Variants in CLEC2A observed in about 807,000 individuals in gnomAD.
CLEC2A encodes keratinocyte-associated C-type lectin.
CLEC2A carries 19 observed loss-of-function variants against 18.6 expected under a neutral mutation model. That is an observed-to-expected ratio of 1.02 (90% CI 0.71 to 1.50). The LOEUF (loss-of-function observed/expected upper bound fraction) is 1.50, where lower values mean the gene tolerates loss of function less well. CLEC2A is among the 40% of genes most tolerant of loss of function. CLEC2A has a pLI of 0.00. For synonymous variants in CLEC2A, 74 were observed against 64.0 expected, an observed-to-expected ratio of 1.16 and a Z score of -0.75; for missense variants, 190 against 207.9, an observed-to-expected ratio of 0.91 and a Z score of 0.53.
At chr12:9,902,473 G>T (rs11053502) in intron 4 of CLEC2A, among the ~76,000 whole-genome samples, 227 of 151,900 alleles carry the variant, frequency 1.5e-3, no homozygotes, top group African/African-American at 5.4e-3. Context: ...CCTCAAGTGA[G>T]CCACCCACCT....
downstream of CLEC2A, chr12:9,913,152 T>C (rs974028291): frequency 2.4e-5 from 5 of 211,634 alleles, no homozygotes; most frequent in African/African-American, 4.7e-5. Flanking sequence ...TTGATATTTA[T>C]TACTCTAGTC....
the CLEC2A span, chr12:9,893,148 A>T: frequency 6.5e-7 from 1 of 1,532,544 alleles, no homozygotes; most frequent in Non-Finnish European, 8.7e-7. Context: ...TTTACTGGTG[A>T]TTCAAAATTT....
the CLEC2A span, chr12:9,893,351 G>T: frequency 1.2e-6 from 1 of 814,800 alleles, no homozygotes; most frequent in Non-Finnish European, 1.9e-6. Context: ...ATTAATGCCG[G>T]CACAGAGACT....
At chr12:9,904,769 C>T (rs2137019318) in intron 4 of CLEC2A, among the ~76,000 whole-genome samples, 1 of 152,230 alleles carries the variant, frequency 6.6e-6, no homozygotes, top group Admixed American at 6.5e-5. Flanking sequence ...TAAGGGGTTA[C>T]ACTGCAATGA....
chr12:9,906,219 C>T (rs779502796), intron 4 of CLEC2A, among the ~76,000 whole-genome samples: 1 of 151,956 alleles, frequency 6.6e-6, no homozygotes, highest in Non-Finnish European at 1.5e-5. Flanking sequence ...ACCCATTTTC[C>T]TTCTTGGTTT....
the CLEC2A span, among the ~76,000 whole-genome samples, chr12:9,882,214 G>T: frequency 7.9e-5 from 12 of 152,130 alleles, no homozygotes; most frequent in South Asian, 4.1e-4. Flanking sequence ...AAATAGCCAA[G>T]ACCTAAGTTA....
chr12:9,903,145 A>C (rs966581854), intron 4 of CLEC2A, among the ~76,000 whole-genome samples: 1 of 152,032 alleles, frequency 6.6e-6, no homozygotes, highest in Non-Finnish European at 1.5e-5. Context: ...CCCTTTGAAG[A>C]GGAATTTATA....
chr12:9,898,481 C>T (rs922899540), downstream of CLEC2A, among the ~76,000 whole-genome samples: 1 of 152,138 alleles, frequency 6.6e-6, no homozygotes, highest in Non-Finnish European at 1.5e-5. Flanking sequence ...GAAACTTTAC[C>T]TCCCACTCTC....
At chr12:9,894,365 T>C (rs147537310), downstream of CLEC2A, among the ~76,000 whole-genome samples, 1 of 152,146 alleles carries the variant, frequency 6.6e-6, no homozygotes, top group Non-Finnish European at 1.5e-5. Context: ...GTATGCTTTG[T>C]AGAGACGGGG....
Position 9,927,713 on chromosome 12 carries a change from T to C in CLEC2A, c.56-1370A>G, listed in dbSNP as rs561290698. On this transcript the variant is annotated intron_variant, in intron 1 of 4. Transcript: ENST00000455827. ...ATGTGCAATAAAGTAATTTCAAGAC[T>C]GGATTGAGAGAAGCCAGATTCTGAG... Among the ~76,000 whole-genome samples the C allele has an allele frequency of 5.1e-4, 78 of 152,288 alleles. 1 individual carries two copies. Among genetic ancestry groups the C allele is most frequent in the African/African-American group, 1.8e-3 (73 of 41,570 alleles).
chr12:9,902,405 G>T (rs1862843764), intron 4 of CLEC2A, among the ~76,000 whole-genome samples: 1 of 151,816 alleles, frequency 6.6e-6, no homozygotes, highest in South Asian at 2.1e-4. Flanking sequence ...GTTAATTTTT[G>T]AATTTGTAGT....
chr12:9,901,137 T>G (rs1776412902), intron 4 of CLEC2A, among the ~76,000 whole-genome samples: 1 of 152,260 alleles, frequency 6.6e-6, no homozygotes, highest in Admixed American at 6.5e-5. Context: ...TGCTTCAGCT[T>G]TCTGAGTTCA....
At chr12:9,891,522 A>C in the CLEC2A span, among the ~76,000 whole-genome samples, 2 of 152,204 alleles carry the variant, frequency 1.3e-5, no homozygotes, top group African/African-American at 4.8e-5. Context: ...ATTTCATCCA[A>C]GTGGCACATT....
the CLEC2A span, among the ~76,000 whole-genome samples, chr12:9,878,637 A>T: frequency 5.5e-3 from 838 of 152,336 alleles, 2 homozygotes; most frequent in Middle Eastern, 0.027. Context: ...CAAATCTGTT[A>T]GACCCATACT....
intron 4 of CLEC2A, among the ~76,000 whole-genome samples, chr12:9,899,397 A>T (rs1032934148): frequency 4.6e-5 from 7 of 152,160 alleles, no homozygotes; most frequent in African/African-American, 1.7e-4. Context: ...AGGAGAAGAA[A>T]GGAAAAAGAA....
downstream of CLEC2A, among the ~76,000 whole-genome samples, chr12:9,896,697 ATACT>A (rs1862759910): frequency 6.6e-6 from 1 of 152,126 alleles, no homozygotes; most frequent in Non-Finnish European, 1.5e-5. Context: ...AATATTGCAC[ATACT>A]TAATTTTTAC....
chr12:9,892,565 C>T, the CLEC2A span, among the ~76,000 whole-genome samples: 8 of 144,316 alleles, frequency 5.5e-5, no homozygotes, highest in Admixed American at 2.8e-4. Flanking sequence ...AAATTATTCT[C>T]ATTTTACAGA....
At chr12:9,883,022 T>C in the CLEC2A span, among the ~76,000 whole-genome samples, 3 of 152,302 alleles carry the variant, frequency 2.0e-5, no homozygotes, top group Non-Finnish European at 4.4e-5. Context: ...AAATATAAGA[T>C]AATATCCATT....
At chr12:9,914,541 G>A (rs2137034313) in intron 4 of CLEC2A, among the ~76,000 whole-genome samples, 1 of 152,226 alleles carries the variant, frequency 6.6e-6, no homozygotes, top group East Asian at 1.9e-4. Context: ...ACAGAATAGA[G>A]ACCTCAGAAA....
Sources: allele counts gnomAD v4.1 joint callset (sites outside exome capture counted in the v4.1 genomes callset), GRCh38; gene constraint gnomAD v4.1.1; transcripts MANE v1.5; gene names NCBI Gene and HGNC (gene_info 2026-07-23, HGNC 2026-07-21).